FGF20: variants seen among roughly 807,000 people sequenced by gnomAD.
The protein encoded by FGF20 is fibroblast growth factor 20.
Under a neutral mutation model 16.7 loss-of-function variants are expected in FGF20, and 8 were observed. The observed-to-expected ratio is 0.48, with a 90% confidence interval of 0.28 to 0.87. The LOEUF (loss-of-function observed/expected upper bound fraction) is 0.87. Among genes scored for constraint, FGF20 ranks in the 40% least tolerant of loss-of-function variants. The pLI is 0.10. For synonymous variants in FGF20, 161 were observed against 118.6 expected, an observed-to-expected ratio of 1.36 and a Z score of -2.32; for missense variants, 397 against 281.4, an observed-to-expected ratio of 1.41 and a Z score of -2.94.
rs897775307 is a variant in FGF20, at chr8:16,992,280, G to T, written c.*792C>A. 1.3e-5 allele frequency: 2 copies of T among 151,948 alleles called. No individual in the cohort carries two copies. Among genetic ancestry groups the T allele is most frequent in the African/African-American group, 2.4e-5 (1 of 41,372 alleles). 9.4% of individuals were successfully genotyped at this position (151,948 alleles called of 1,614,324 possible). ...AAGAAACCAACGTTACATTTAGAAG[G>T]CAATTGACTGCATAAAAAATATAAT... On this transcript the variant is annotated 3_prime_UTR_variant, in exon 3 of 3. Coordinates refer to ENST00000180166, the MANE Select transcript of FGF20 (RefSeq NM_019851.3).
At chr8:17,001,622 C>T (rs1810185542) in intron 1 of FGF20, 125 bp downstream of exon 1, 2 of 1,160,538 alleles carry the variant, frequency 1.7e-6, no homozygotes, top group Non-Finnish European at 2.3e-6. Flanking sequence ...CGGATGGGTC[C>T]AGGGGAGCTC....
chr8:16,993,020 G>A lies in FGF20; in HGVS notation c.*52C>T, dbSNP rs975773082. ...GTCATTATTTTATGATGGGAACTAT[G>A]ACAAGAAAGAATGGTTGTGGTTTGA... On this transcript the variant is annotated 3_prime_UTR_variant, in exon 3 of 3. Transcript: ENST00000180166. 6.3e-7 allele frequency: 1 copy of A among 1,578,588 alleles called. No individual in the cohort carries two copies. The highest frequency in any genetic ancestry group is 8.6e-7 in the Non-Finnish European group (1 of 1,163,010).
At chr8:17,000,473 G>C (rs1218646398) in intron 1 of FGF20, among the ~76,000 whole-genome samples, 1 of 118,474 alleles carries the variant, frequency 8.4e-6, no homozygotes, top group African/African-American at 2.6e-5. Context: ...GACACGATAA[G>C]AGAGGGCCAT....
chr8:16,993,782 A>G (rs1392353344), intron 2 of FGF20, among the ~76,000 whole-genome samples: 2 of 152,182 alleles, frequency 1.3e-5, no homozygotes, highest in South Asian at 2.1e-4. Context: ...GTGACACATC[A>G]TCAGGCATTA....
intron 1 of FGF20, among the ~76,000 whole-genome samples, chr8:17,000,595 T>G (rs1356291202): frequency 1.3e-5 from 2 of 152,068 alleles, no homozygotes; most frequent in South Asian, 2.1e-4. Flanking sequence ...TGTCAAAAGT[T>G]TGATAATCAA....
intron 1 of FGF20, among the ~76,000 whole-genome samples, chr8:17,001,279 G>A (rs1163103599): frequency 6.6e-6 from 1 of 152,172 alleles, no homozygotes; most frequent in Admixed American, 6.5e-5. Context: ...AAAGAAGCCC[G>A]GCGCTTCCTG....
intron 1 of FGF20, among the ~76,000 whole-genome samples, chr8:16,996,570 T>C (rs1810051796): frequency 6.6e-6 from 1 of 152,240 alleles, no homozygotes; most frequent in African/African-American, 2.4e-5. Context: ...TCTCATCAGT[T>C]AATTATAACC....
At chr8:16,998,925 C>T (rs944096251) in intron 1 of FGF20, among the ~76,000 whole-genome samples, 1 of 151,704 alleles carries the variant, frequency 6.6e-6, no homozygotes, top group Admixed American at 6.6e-5. Context: ...TCTCAAATAG[C>T]CATCCTTAAG....
chr8:16,992,284 T>C lies in FGF20; in HGVS notation c.*788A>G, dbSNP rs1809930689. The C allele has an allele frequency of 6.6e-6, 1 of 152,224 alleles. No homozygotes were observed. The highest frequency in any genetic ancestry group is 2.1e-4 in the South Asian group (1 of 4,820). The allele number at this position is 152,224 out of a possible 1,614,324, so 9.4% of individuals were successfully genotyped here. On this transcript the variant is annotated 3_prime_UTR_variant, in exon 3 of 3. Coordinates refer to ENST00000180166, the MANE Select transcript of FGF20 (RefSeq NM_019851.3). ...AACCAACGTTACATTTAGAAGGCAA[T>C]TGACTGCATAAAAAATATAATCTAT...
intron 1 of FGF20, among the ~76,000 whole-genome samples, chr8:16,996,535 C>T (rs1427521046): frequency 1.3e-5 from 2 of 152,198 alleles, no homozygotes; most frequent in Admixed American, 1.3e-4. Flanking sequence ...TAGTATATAA[C>T]AGAGGTATTC....
At chr8:17,000,479 G>C (rs374331295) in intron 1 of FGF20, among the ~76,000 whole-genome samples, 1 of 150,466 alleles carries the variant, frequency 6.6e-6, no homozygotes, top group African/African-American at 2.4e-5. Flanking sequence ...ATAAGAGAGG[G>C]CCATTCAGAG....
intron 1 of FGF20, 40 bp downstream of exon 1, chr8:17,001,707 G>A (rs996280365): frequency 1.3e-6 from 2 of 1,533,828 alleles, no homozygotes; most frequent in Admixed American, 2.0e-5. Context: ...GAGCCGAGCT[G>A]GGGCGCAGAT....
At chr8:17,001,627 G>T (rs1202401344) in intron 1 of FGF20, 120 bp downstream of exon 1, 6 of 1,194,626 alleles carry the variant, frequency 5.0e-6, no homozygotes, top group Non-Finnish European at 6.7e-6. Context: ...GGGTCCAGGG[G>T]AGCTCCGGGC....
At chr8:17,000,669 C>A (rs896457297) in intron 1 of FGF20, among the ~76,000 whole-genome samples, 3 of 152,028 alleles carry the variant, frequency 2.0e-5, no homozygotes, top group African/African-American at 7.2e-5. Flanking sequence ...GGGAAAGATC[C>A]TGGGATATTA....
intron 1 of FGF20, among the ~76,000 whole-genome samples, chr8:17,000,469 A>G (rs759717177): frequency 1.7e-4 from 20 of 118,720 alleles, no homozygotes; most frequent in Admixed American, 1.5e-3. Context: ...TAAGGACACG[A>G]TAAGAGAGGG....
intron 2 of FGF20, among the ~76,000 whole-genome samples, 174 bp from the exon 3 acceptor site, chr8:16,993,491 T>G (rs1809966934): frequency 6.6e-6 from 1 of 152,200 alleles, no homozygotes; most frequent in African/African-American, 2.4e-5. Flanking sequence ...TTAGTGCAGG[T>G]GACTTCATCT....
At chr8:16,994,247 C>G (rs1809989675) in intron 2 of FGF20, among the ~76,000 whole-genome samples, 1 of 152,182 alleles carries the variant, frequency 6.6e-6, no homozygotes, top group African/African-American at 2.4e-5. Context: ...TGGAGCATTT[C>G]AAGATCTTGC....
chr8:16,996,136 C>A (rs1810038725), intron 1 of FGF20, among the ~76,000 whole-genome samples: 1 of 152,038 alleles, frequency 6.6e-6, no homozygotes, highest in Non-Finnish European at 1.5e-5. Context: ...AGATGGGGGC[C>A]TGTTAACAGG....
chr8:16,992,840 C>T lies in FGF20; in HGVS notation c.*232G>A, dbSNP rs1368353077. ...TTTGGCTTCAGTCTACTGGTAAGGA[C>T]TAATCCAATGTATCTAAGGGAACTT... On this transcript the variant is annotated 3_prime_UTR_variant, in exon 3 of 3. Transcript: ENST00000180166. 8.4e-6 allele frequency: 4 copies of T among 476,804 alleles called. No individual in the cohort carries two copies. Among genetic ancestry groups the T allele is most frequent in the Non-Finnish European group, 1.5e-5 (4 of 273,268 alleles). 29.5% of individuals were successfully genotyped at this position (476,804 alleles called of 1,614,324 possible). A position where few individuals can be genotyped will look rare whatever the true frequency, so the allele number is the denominator to read the frequency against.
Sources: allele counts gnomAD v4.1 joint callset (sites outside exome capture counted in the v4.1 genomes callset), GRCh38; gene constraint gnomAD v4.1.1; transcripts MANE v1.5; gene names NCBI Gene and HGNC (gene_info 2026-07-23, HGNC 2026-07-21).